The following MRAP2 variants were observed in gnomAD, a reference collection of about 807,000 sequenced individuals.
The protein encoded by MRAP2 is melanocortin-2 receptor accessory protein 2.
Under a neutral mutation model 17.4 loss-of-function variants are expected in MRAP2, and 20 were observed. The ratio of observed to expected loss-of-function variants is 1.15; its 90% CI spans 0.81 to 1.67. The LOEUF (loss-of-function observed/expected upper bound fraction) is 1.67, where lower values mean the gene tolerates loss of function less well. Ranked by LOEUF, MRAP2 falls within the 40% of genes most tolerant of loss-of-function variation. The pLI is 0.00. For synonymous variants in MRAP2, 96 were observed against 88.4 expected (o/e 1.09, Z -0.48); for missense variants, 238 against 240.0 (o/e 0.99, Z 0.05).
the MRAP2 span, among the ~76,000 whole-genome samples, chr6:84,143,957 G>A: frequency 6.6e-6 from 1 of 151,898 alleles, no homozygotes. Flanking sequence ...CTCACTATGC[G>A]ACTTTCTGTA....
At chr6:84,061,826 A>G in intron 2 of MRAP2, 1 of 985,426 alleles carries the variant, frequency 1.0e-6, no homozygotes, top group Non-Finnish European at 1.2e-6. Flanking sequence ...GTTTTCTCAG[A>G]TGTCAGACAT....
intron 2 of MRAP2, among the ~76,000 whole-genome samples, chr6:84,059,236 C>T (rs937006237): frequency 1.3e-5 from 2 of 152,178 alleles, no homozygotes; most frequent in Non-Finnish European, 2.9e-5. Context: ...TGCCACCTTG[C>T]AGATACCAGA....
chr6:84,072,000 T>C (rs1399408803), intron 3 of MRAP2, among the ~76,000 whole-genome samples: 9 of 152,206 alleles, frequency 5.9e-5, no homozygotes, highest in Non-Finnish European at 1.5e-5. Context: ...TTTAGACTTC[T>C]AGTGTTGGGC....
At chr6:84,093,946 G>A (rs1216754518), downstream of MRAP2, among the ~76,000 whole-genome samples, 2 of 152,188 alleles carry the variant, frequency 1.3e-5, no homozygotes, top group Non-Finnish European at 2.9e-5. Flanking sequence ...TGAGTAAGGA[G>A]CTTTTGTTCT....
downstream of MRAP2, among the ~76,000 whole-genome samples, chr6:84,094,533 G>C (rs2099502332): frequency 6.6e-6 from 1 of 152,034 alleles, no homozygotes; most frequent in South Asian, 2.1e-4. Flanking sequence ...TAATTGCAGG[G>C]CACAATTCAC....
intron 3 of MRAP2, among the ~76,000 whole-genome samples, chr6:84,071,256 T>G (rs1014337932): frequency 1.3e-5 from 2 of 152,212 alleles, no homozygotes; most frequent in Non-Finnish European, 2.9e-5. Flanking sequence ...CTTTTAGCAG[T>G]TCTTGTAGTG....
At chr6:84,123,798 G>A in the MRAP2 span, among the ~76,000 whole-genome samples, 18 of 151,050 alleles carry the variant, frequency 1.2e-4, no homozygotes, top group African/African-American at 3.2e-4. Context: ...CCTACATAAT[G>A]GAAAATATAT....
chr6:84,033,645 C>A, upstream of MRAP2: 1 of 978,346 alleles, frequency 1.0e-6, no homozygotes, highest in Non-Finnish European at 1.2e-6. Flanking sequence ...AAGGCGGCCT[C>A]GCGCTGGGGA....
At chr6:84,081,477 A>G (rs2099498987) in intron 3 of MRAP2, among the ~76,000 whole-genome samples, 1 of 152,206 alleles carries the variant, frequency 6.6e-6, no homozygotes, top group South Asian at 2.1e-4. Context: ...CCCCTGTGCT[A>G]TTCTTGTGAT....
the MRAP2 span, among the ~76,000 whole-genome samples, chr6:84,102,921 G>C: frequency 6.6e-6 from 1 of 152,190 alleles, no homozygotes; most frequent in Non-Finnish European, 1.5e-5. Context: ...TGGAGTAGAG[G>C]AATCAGTTAA....
At chr6:84,136,484 A>G in the MRAP2 span, among the ~76,000 whole-genome samples, 3 of 152,200 alleles carry the variant, frequency 2.0e-5, no homozygotes, top group East Asian at 1.9e-4. Context: ...AACATCAACT[A>G]AATTTAAACA....
At chr6:84,100,080 G>A in the MRAP2 span, among the ~76,000 whole-genome samples, 1 of 151,974 alleles carries the variant, frequency 6.6e-6, no homozygotes, top group African/African-American at 2.4e-5. Context: ...GGCTGATCTC[G>A]AACTCCTGGC....
chr6:84,113,280 G>A, the MRAP2 span, among the ~76,000 whole-genome samples: 2 of 152,068 alleles, frequency 1.3e-5, no homozygotes, highest in Non-Finnish European at 2.9e-5. Context: ...CTCTTTTATT[G>A]GGTGCATATA....
intron 3 of MRAP2, among the ~76,000 whole-genome samples, chr6:84,076,826 A>G (rs568985970): frequency 1.3e-5 from 2 of 152,202 alleles, no homozygotes; most frequent in African/African-American, 4.8e-5. Flanking sequence ...AAATCTCATC[A>G]AAAATCTGGA....
At chr6:84,039,646 C>T (rs571007061) in intron 1 of MRAP2, among the ~76,000 whole-genome samples, 26 of 152,202 alleles carry the variant, frequency 1.7e-4, no homozygotes, top group Admixed American at 1.2e-3. Context: ...CACTAGAGAA[C>T]GTTAGTAAAA....
intron 2 of MRAP2, among the ~76,000 whole-genome samples, chr6:84,059,121 A>G (rs1348178835): frequency 6.6e-6 from 1 of 152,190 alleles, no homozygotes; most frequent in African/African-American, 2.4e-5. Flanking sequence ...TGAGTGGACA[A>G]TCACATTTTA....
intron 3 of MRAP2, among the ~76,000 whole-genome samples, chr6:84,068,066 A>G (rs1375081497): frequency 6.6e-6 from 1 of 152,102 alleles, no homozygotes; most frequent in Non-Finnish European, 1.5e-5. Flanking sequence ...TGATTTTTGT[A>G]TAAGGTGAGA....
the MRAP2 span, among the ~76,000 whole-genome samples, chr6:84,140,245 T>C: frequency 8.5e-5 from 13 of 152,192 alleles, no homozygotes; most frequent in Admixed American, 8.5e-4. Context: ...TTAGGAGCCT[T>C]TGGCGTTTCA....
At chr6:84,142,855 G>GT in the MRAP2 span, among the ~76,000 whole-genome samples, 1 of 151,574 alleles carries the variant, frequency 6.6e-6, no homozygotes, top group East Asian at 1.9e-4. Context: ...TAACTTTTGA[G>GT]TTCTTGTGCT....
Sources: gnomAD v4.1 joint callset for allele counts (sites outside exome capture counted in the v4.1 genomes callset) on GRCh38, gnomAD v4.1.1 for gene constraint, MANE v1.5 for transcripts, NCBI Gene and HGNC (gene_info 2026-07-23, HGNC 2026-07-21) for gene names.